RANBP17: variants seen among roughly 807,000 people sequenced by gnomAD.
RANBP17 encodes the protein ran-binding protein 17.
In RANBP17, 158 loss-of-function variants were observed where a neutral mutation model predicts 141.2. The observed-to-expected ratio is 1.12, with a 90% CI of 0.98 to 1.28. RANBP17 has a LOEUF of 1.28. RANBP17 is among the 50% of genes most tolerant of loss of function. RANBP17 has a pLI of 0.00. For missense variants in RANBP17, 1,438 were observed against 1,290.7 expected, an observed-to-expected ratio of 1.11 and a Z score of -1.75; for synonymous variants, 430 against 450.0, an observed-to-expected ratio of 0.96 and a Z score of 0.56.
chr5:171,106,844 C>T (rs1754876317), intron 14 of RANBP17, among the ~76,000 whole-genome samples: 1 of 151,878 alleles, frequency 6.6e-6, no homozygotes, highest in African/African-American at 2.4e-5. Flanking sequence ...TTGCTAATCA[C>T]TGACACTTGG....
At chr5:171,240,255 AGAT>A (rs1369948738) in intron 22 of RANBP17, among the ~76,000 whole-genome samples, 2 of 152,210 alleles carry the variant, frequency 1.3e-5, no homozygotes, top group African/African-American at 2.4e-5. Flanking sequence ...GTACTACAGA[AGAT>A]TTTAGGGTGA....
At chr5:171,224,826 T>C (rs973235476) in intron 22 of RANBP17, among the ~76,000 whole-genome samples, 12 of 152,224 alleles carry the variant, frequency 7.9e-5, no homozygotes, top group African/African-American at 2.9e-4. Context: ...CACTTTGTTA[T>C]AAGCTTTTAT....
At position 170,951,721 on chromosome 5, in the gene RANBP17, G is replaced by A. The variant is rs73317510; in HGVS notation, c.1469-1876G>A. ...ATCCTTTAAGTGGGTTACTTGTATG[G>A]TATGTGAATTATATTTCAGTGAAGC... On this transcript the variant is annotated intron_variant, in intron 12 of 27. Transcript: ENST00000523189. Among the ~76,000 whole-genome samples the A allele has an allele frequency of 9.5e-3, 1,441 of 152,178 alleles. 27 individuals carry two copies. Among genetic ancestry groups the A allele is most frequent in the African/African-American group, 0.032 (1,342 of 41,560 alleles).
intron 14 of RANBP17, among the ~76,000 whole-genome samples, chr5:170,985,767 A>G (rs970206803): frequency 1.3e-5 from 2 of 152,184 alleles, no homozygotes; most frequent in African/African-American, 2.4e-5. Context: ...TGCCTTTCCT[A>G]AAGAAAATAT....
At chr5:171,134,363 A>C (rs1036487146) in intron 14 of RANBP17, among the ~76,000 whole-genome samples, 19 of 152,234 alleles carry the variant, frequency 1.2e-4, no homozygotes, top group Non-Finnish European at 1.6e-4. Context: ...GAGGGATCAA[A>C]TATCTATCCT....
intron 14 of RANBP17, among the ~76,000 whole-genome samples, chr5:170,982,326 T>C (rs1777829289): frequency 6.6e-6 from 1 of 152,228 alleles, no homozygotes; most frequent in South Asian, 2.1e-4. Flanking sequence ...AAAGCTCCTA[T>C]TCTTTTTTGA....
At chr5:171,040,101 G>A (rs1175316170) in intron 14 of RANBP17, among the ~76,000 whole-genome samples, 4 of 152,098 alleles carry the variant, frequency 2.6e-5, no homozygotes, top group Middle Eastern at 6.8e-3. Context: ...TCTGATGAAC[G>A]TGGACAAAAA....
chr5:170,982,305 G>C (rs992819873), intron 14 of RANBP17, among the ~76,000 whole-genome samples: 5 of 152,156 alleles, frequency 3.3e-5, no homozygotes, highest in Non-Finnish European at 7.3e-5. Flanking sequence ...GAGAAGCCCT[G>C]TTGTGAACAT....
At chr5:171,240,878 A>C (rs1194044340) in intron 22 of RANBP17, 50 bp from the exon 23 acceptor site, 9 of 1,226,210 alleles carry the variant, frequency 7.3e-6, no homozygotes, top group Non-Finnish European at 1.1e-5. Flanking sequence ...TCCCATAACT[A>C]CTTTGAATGA....
chr5:171,179,397 G>A (rs1337582046), intron 16 of RANBP17, among the ~76,000 whole-genome samples: 3 of 151,704 alleles, frequency 2.0e-5, no homozygotes, highest in African/African-American at 7.3e-5. Flanking sequence ...TGTCTAGTAG[G>A]GTTCATGAGC....
intron 14 of RANBP17, among the ~76,000 whole-genome samples, chr5:171,119,968 T>C (rs149668962): frequency 0.064 from 8,693 of 136,358 alleles, 328 homozygotes; most frequent in East Asian, 0.12. Flanking sequence ...ACCCAGGAGG[T>C]GGAGGTTGCG....
intron 14 of RANBP17, among the ~76,000 whole-genome samples, chr5:171,115,266 T>G (rs1755535210): frequency 6.6e-6 from 1 of 152,190 alleles, no homozygotes; most frequent in Non-Finnish European, 1.5e-5. Flanking sequence ...GTAGCCTATT[T>G]GATATGAGTA....
At chr5:171,083,942 G>A (rs933355298) in intron 14 of RANBP17, among the ~76,000 whole-genome samples, 2 of 143,790 alleles carry the variant, frequency 1.4e-5, no homozygotes, top group Non-Finnish European at 3.0e-5. Flanking sequence ...TTTGTAAATT[G>A]CCCAGTTGTG....
At chr5:171,219,031 G>A (rs758556125) in intron 21 of RANBP17, among the ~76,000 whole-genome samples, 2 of 152,104 alleles carry the variant, frequency 1.3e-5, no homozygotes, top group Non-Finnish European at 2.9e-5. Context: ...GCAGTGGCTG[G>A]TTTTTCCTTT....
chr5:171,071,653 C>CAAA (rs34555837), intron 14 of RANBP17, among the ~76,000 whole-genome samples: 2,683 of 69,210 alleles, frequency 0.039, 262 homozygotes, highest in African/African-American at 0.044. Context: ...CAGCTTTATG[C>CAAA]AAAAAAAAAA....
At position 170,884,994 on chromosome 5, in the gene RANBP17, A is replaced by G. The variant is rs575422386; in HGVS notation, c.256+3098A>G. Among the ~76,000 whole-genome samples, 3 of 152,186 alleles carry G rather than the reference A, an allele frequency of 2.0e-5. No homozygotes were observed. In the East Asian group the frequency reaches 5.8e-4, roughly 29 times the overall value. On this transcript the variant is annotated intron_variant, in intron 3 of 27. Transcript: ENST00000523189. ...TGTGTAAAACTTAGCAATTTGTAGGAAACTTTGATCTTTTTTTTCAAGTGA... is the reference window on the plus strand; with the variant it reads ...TGTGTAAAACTTAGCAATTTGTAGGGAACTTTGATCTTTTTTTTCAAGTGA...
intron 13 of RANBP17, among the ~76,000 whole-genome samples, chr5:170,955,045 A>G (rs1273874475): frequency 6.6e-6 from 1 of 152,106 alleles, no homozygotes; most frequent in Non-Finnish European, 1.5e-5. Flanking sequence ...TCTAGGTTGC[A>G]TGCTCCTTAC....
intron 14 of RANBP17, among the ~76,000 whole-genome samples, chr5:170,996,523 G>A (rs1362685690): frequency 6.6e-6 from 1 of 152,092 alleles, no homozygotes; most frequent in African/African-American, 2.4e-5. Context: ...TTCTGTTCTG[G>A]AGCATTCTGA....
At chr5:171,150,270 TATTATATA>T (rs1758378014) in intron 14 of RANBP17, among the ~76,000 whole-genome samples, 1 of 152,184 alleles carries the variant, frequency 6.6e-6, no homozygotes, top group Non-Finnish European at 1.5e-5. Flanking sequence ...ATGTGTTAAA[TATTATATA>T]ATTAAAATGT....
Sources: gnomAD v4.1 joint callset for allele counts (sites outside exome capture counted in the v4.1 genomes callset) on GRCh38, gnomAD v4.1.1 for gene constraint, MANE v1.5 for transcripts, NCBI Gene and HGNC (gene_info 2026-07-23, HGNC 2026-07-21) for gene names.